TNN: variants seen among roughly 807,000 people sequenced by gnomAD.
The protein encoded by TNN is tenascin N, also known as tenascin-N.
Under a neutral mutation model 134.4 loss-of-function variants are expected in TNN, and 122 were observed. The observed-to-expected ratio is 0.91, with a 90% CI of 0.78 to 1.06. The LOEUF (loss-of-function observed/expected upper bound fraction) is 1.06. TNN is among the 50% of genes least tolerant of loss of function. TNN has a pLI of 0.00. For synonymous variants in TNN, 710 were observed against 670.3 expected, an observed-to-expected ratio of 1.06 and a Z score of -0.91; for missense variants, 1,739 against 1,699.4, an observed-to-expected ratio of 1.02 and a Z score of -0.41.
chr1:175,119,428 C>T (rs1675285181), intron 11 of TNN, among the ~76,000 whole-genome samples: 1 of 152,150 alleles, frequency 6.6e-6, no homozygotes, highest in African/African-American at 2.4e-5. Context: ...GCTGTTTTAA[C>T]AGCACGGTCT....
In TNN at chr1:175,094,208, A is replaced by C; in HGVS notation, c.1543A>C (p.Arg515=). ...EAYKVYVWAE[R]GNQGSKKADT... ...ATACAAGGTCTACGTGTGGGCTGAA[A>C]GGGGCAACCAGGGGAGCAAGAAAGC... Residue 515 remains arginine (R), a synonymous_variant, in exon 7 of 19, where the codon AGG becomes CGG. Transcript: ENST00000239462. The C allele has an allele frequency of 6.2e-7, 1 of 1,611,828 alleles. No homozygotes were observed. The highest frequency in any genetic ancestry group is 8.5e-7 in the Non-Finnish European group (1 of 1,178,512).
At chr1:175,123,092 G>A (rs1011844889) in intron 11 of TNN, among the ~76,000 whole-genome samples, 2 of 152,192 alleles carry the variant, frequency 1.3e-5, no homozygotes, top group Admixed American at 6.5e-5. Context: ...GATCAGAAAA[G>A]AGGTTATATC....
chr1:175,112,695 GCAACCTCT>G (rs1675065371), intron 9 of TNN, among the ~76,000 whole-genome samples: 2 of 132,880 alleles, frequency 1.5e-5, no homozygotes, highest in East Asian at 5.2e-4. Flanking sequence ...TCGGCTCACT[GCAACCTCT>G]GCTTCTCAGG....
intron 17 of TNN, among the ~76,000 whole-genome samples, chr1:175,140,218 T>C (rs1430948852): frequency 1.3e-5 from 2 of 152,128 alleles, no homozygotes; most frequent in African/African-American, 4.8e-5. Context: ...CCACATGGAG[T>C]CCATCTGATC....
chr1:175,079,358 C>G lies in TNN; in HGVS notation c.435C>G (p.His145Gln), dbSNP rs768660916. Residue 145 changes from histidine (H) to glutamine (Q), a missense_variant, in exon 3 of 19, where the codon CAC becomes CAG. Coordinates refer to ENST00000239462, the MANE Select transcript of TNN (RefSeq NM_022093.2). ...ATCTAAGCCGCCACTGCAGCGGCCA[C>G]GGGACCTTCTCCCTGGAGACCTGCA... ...VTDLSRHCSG[H>Q]GTFSLETCSC... The G allele has an allele frequency of 6.3e-6, 10 of 1,597,676 alleles. No individual in the cohort carries two copies. The highest frequency in any genetic ancestry group is 2.3e-5 in the East Asian group (1 of 44,156).
chr1:175,083,268 G>T (rs1305552002), intron 4 of TNN, among the ~76,000 whole-genome samples: 1 of 152,218 alleles, frequency 6.6e-6, no homozygotes, highest in African/African-American at 2.4e-5. Flanking sequence ...GAGCTTGTTG[G>T]ATTACCAATG....
chr1:175,106,151 G>A (rs1036981512), intron 9 of TNN, among the ~76,000 whole-genome samples: 3 of 145,372 alleles, frequency 2.1e-5, no homozygotes, highest in African/African-American at 7.4e-5. Context: ...GGCCCTTACT[G>A]ACGCATTCTC....
At chr1:175,111,932 T>G (rs769069433) in intron 9 of TNN, among the ~76,000 whole-genome samples, 1 of 152,216 alleles carries the variant, frequency 6.6e-6, no homozygotes, top group Non-Finnish European at 1.5e-5. Flanking sequence ...TCATGTTATC[T>G]GCAAACAGGG....
At chr1:175,114,274 C>T (rs545112782) in intron 9 of TNN, among the ~76,000 whole-genome samples, 6 of 152,150 alleles carry the variant, frequency 3.9e-5, no homozygotes, top group East Asian at 3.9e-4. Flanking sequence ...CACGTAGGTT[C>T]GGTGGTATAG....
In TNN at chr1:175,094,115, A is replaced by G. The variant is rs2149431711; in HGVS notation, c.1450A>G (p.Thr484Ala). The G allele has an allele frequency of 6.2e-7, 1 of 1,614,230 alleles. No homozygotes were observed. The highest frequency in any genetic ancestry group is 8.5e-7 in the Non-Finnish European group (1 of 1,180,034). Residue 484 changes from threonine (T) to alanine (A), a missense_variant, in exon 7 of 19, where the codon ACC becomes GCC. Physicochemically the swap from Thr to Ala is moderately conservative, Grantham distance 58. Transcript: ENST00000239462. ...VVRYTSADGD[T>A]KEMAVHKDES... ...GCGCTACACTTCTGCTGATGGGGAC[A>G]CCAAGGAAATGGCAGTGCACAAGGA...
intron 5 of TNN, 141 bp downstream of exon 5, chr1:175,084,076 C>A: frequency 1.2e-6 from 1 of 860,046 alleles, no homozygotes; most frequent in Non-Finnish European, 1.7e-6. Flanking sequence ...GAATCTGACC[C>A]TTGAATCTGC....
At chr1:175,102,933 C>T (rs1674764236) in intron 9 of TNN, among the ~76,000 whole-genome samples, 1 of 146,232 alleles carries the variant, frequency 6.8e-6, no homozygotes, top group Non-Finnish European at 1.5e-5. Context: ...CTAGCTACTT[C>T]CTGCTGGATG....
intron 15 of TNN, among the ~76,000 whole-genome samples, chr1:175,135,093 C>T (rs991241129): frequency 6.6e-6 from 1 of 152,208 alleles, no homozygotes; most frequent in African/African-American, 2.4e-5. Context: ...CCTACTCATC[C>T]TGCAGCTCAG....
rs116355400 is a variant in TNN at position 175,118,679 on chromosome 1, C to A, written c.2505C>A (p.Asn835Lys). 3.1e-6 allele frequency: 5 copies of A among 1,614,094 alleles called. No homozygotes were observed. In the African/African-American group the frequency reaches 6.7e-5, roughly 22 times the overall value. Residue 835 changes from asparagine to lysine, a missense_variant, in exon 11 of 19, where the codon AAC (asparagine) becomes AAA (lysine). Asn to Lys is a moderately conservative substitution (Grantham distance 94, BLOSUM62 0). Transcript: ENST00000239462. ...DRYVVHYTSA[N>K]GETREVPVGK... ...ATGTGGTGCACTACACGTCTGCCAA[C>A]GGAGAGACCAGGGAGGTTCCAGTGG...
At chr1:175,096,619 A>G (rs1408285582) in intron 7 of TNN, among the ~76,000 whole-genome samples, 1 of 152,056 alleles carries the variant, frequency 6.6e-6, no homozygotes, top group Non-Finnish European at 1.5e-5. Context: ...TGGATTTTTG[A>G]CTCCCTAAGG....
chr1:175,136,065 G>A (rs1418951237), intron 16 of TNN, 124 bp downstream of exon 16: 7 of 701,634 alleles, frequency 1.0e-5, no homozygotes, highest in South Asian at 1.6e-5. Context: ...GGAGACAGAG[G>A]ACTGTGCCGA....
At chr1:175,118,424 G>A in intron 10 of TNN, 137 bp from the exon 11 acceptor site, 1 of 1,080,478 alleles carries the variant, frequency 9.3e-7, no homozygotes, top group Non-Finnish European at 1.3e-6. Flanking sequence ...CCATGAAACA[G>A]CTAAAAATGA....
chr1:175,072,923 C>T (rs992877901), intron 1 of TNN, among the ~76,000 whole-genome samples: 1 of 129,848 alleles, frequency 7.7e-6, no homozygotes, highest in Non-Finnish European at 1.6e-5. Context: ...CAAGAGTCCA[C>T]GGCTTTTTTT....
In TNN at chr1:175,117,104, C is replaced by T. The variant is rs1456013599; in HGVS notation, c.2285C>T (p.Thr762Ile). 1.2e-6 allele frequency: 2 copies of T among 1,614,266 alleles called. No homozygotes were observed. Among genetic ancestry groups the T allele is most frequent in the East Asian group, 2.2e-5 (1 of 44,892 alleles). ...CCGGTGGGGAAGGAGCAGAGTAGCA[C>T]TGTCCTGACGGGCCTGAGGCCGGGT... is the stretch of plus-strand genomic sequence containing the variant. ...EVPVGKEQSS[T>I]VLTGLRPGVE... The change falls in exon 10 of 19, where the codon ACT becomes ATT. Residue 762 changes from threonine (T) to isoleucine (I), a missense_variant. Transcript: ENST00000239462.
Sources: gnomAD v4.1 joint callset for allele counts (sites outside exome capture counted in the v4.1 genomes callset) on GRCh38, gnomAD v4.1.1 for gene constraint, MANE v1.5 for transcripts, NCBI Gene and HGNC (gene_info 2026-07-23, HGNC 2026-07-21) for gene names.